ESRRB: variants seen among roughly 807,000 people sequenced by gnomAD.
ESRRB encodes the protein steroid hormone receptor ERR2.
In ESRRB, 16 loss-of-function variants were observed where a neutral mutation model predicts 46.0. That is an observed-to-expected ratio of 0.35 (90% confidence interval 0.24 to 0.53). The LOEUF (loss-of-function observed/expected upper bound fraction) is 0.53. Among genes scored for constraint, ESRRB ranks in the 20% least tolerant of loss-of-function variants. The pLI is 0.93. For synonymous variants in ESRRB, 246 were observed against 259.6 expected, an observed-to-expected ratio of 0.95 and a Z score of 0.50; for missense variants, 488 against 607.4, an observed-to-expected ratio of 0.80 and a Z score of 2.07.
chr14:76,444,714 C>T (rs932763372), intron 2 of ESRRB, among the ~76,000 whole-genome samples: 1 of 152,158 alleles, frequency 6.6e-6, no homozygotes, highest in Non-Finnish European at 1.5e-5. Flanking sequence ...CTGCTTAGTG[C>T]CCATGAGTCT....
At chr14:76,476,871 C>T (rs1430469778) in intron 3 of ESRRB, among the ~76,000 whole-genome samples, 1 of 152,240 alleles carries the variant, frequency 6.6e-6, no homozygotes, top group East Asian at 1.9e-4. Context: ...AAGAGCTGCA[C>T]TGAACATGGC....
chr14:76,378,725 C>T (rs890289114), intron 1 of ESRRB, among the ~76,000 whole-genome samples: 7 of 152,090 alleles, frequency 4.6e-5, no homozygotes, highest in Non-Finnish European at 7.4e-5. Context: ...ATTTCAAGGA[C>T]GAGCTTGTGG....
At position 76,313,274 on chromosome 14, in the gene ESRRB, A is replaced by G. The variant is rs371910731; in HGVS notation, c.2+2358A>G. 2.7e-4 allele frequency among the ~76,000 whole-genome samples: 41 copies of G among 151,840 alleles called. 1 individual carries two copies. The South Asian group carries it at 8.6e-3, about 32-fold the overall frequency. On this transcript the variant is annotated intron_variant, in intron 1 of 6. Transcript: ENST00000512784. ...CCTCTGATTACTTAGTTTCTGCTTC[A>G]ATAACTATTAATTTTATGTGGTTTG...
rs1829938189 is a variant in ESRRB, at chr14:76,482,479, C to T, written c.689-119C>T. The T allele has an allele frequency of 2.5e-5, 25 of 982,992 alleles. No individual in the cohort carries two copies. The highest frequency in any genetic ancestry group is 1.7e-4 in the East Asian group (7 of 40,368). 60.9% of individuals were successfully genotyped at this position (982,992 alleles called of 1,614,324 possible). On this transcript the variant is annotated intron_variant, in intron 4 of 6. Coordinates refer to ENST00000644823, the MANE Select transcript of ESRRB (RefSeq NM_001379180.1). This position sits in a 1 kb window ranked among gnomAD's most constrained non-coding sequence, Gnocchi z 4.3. ...CCAGAACAGGAGGGGAGATTATAGC[C>T]GCTTTGACCTTCCTGGAGCTCTTAG...
At chr14:76,345,893 A>C (rs1884244219) in intron 1 of ESRRB, among the ~76,000 whole-genome samples, 1 of 152,156 alleles carries the variant, frequency 6.6e-6, no homozygotes, top group South Asian at 2.1e-4. Context: ...TTGCTTTCCC[A>C]GGGCTGCTGT....
chr14:76,452,069 G>A (rs777818443), intron 2 of ESRRB, among the ~76,000 whole-genome samples: 126 of 151,716 alleles, frequency 8.3e-4, no homozygotes, highest in Non-Finnish European at 1.5e-3. Flanking sequence ...AGCCTCCCGA[G>A]TAGCTGGGAC....
chr14:76,469,064 G>A (rs1002791055), intron 3 of ESRRB, among the ~76,000 whole-genome samples: 5 of 151,894 alleles, frequency 3.3e-5, no homozygotes, highest in African/African-American at 4.8e-5. Flanking sequence ...GCTCTGAATC[G>A]CTCTCTTCTT....
chr14:76,425,242 C>A (rs1040660523), intron 1 of ESRRB, among the ~76,000 whole-genome samples: 1 of 152,204 alleles, frequency 6.6e-6, no homozygotes, highest in East Asian at 1.9e-4. Flanking sequence ...TAAACTGTAA[C>A]TGGAAGCTCA....
chr14:76,330,614 G>A (rs374111182), intron 1 of ESRRB, among the ~76,000 whole-genome samples: 3 of 152,334 alleles, frequency 2.0e-5, no homozygotes, highest in African/African-American at 7.2e-5. Flanking sequence ...AAGAATCGAG[G>A]AAGGGAGGAT....
chr14:76,498,844 C>G lies in ESRRB; in HGVS notation c.*386C>G. 1 of 548,808 alleles carries G rather than the reference C, an allele frequency of 1.8e-6. No individual in the cohort carries two copies. Among genetic ancestry groups the G allele is most frequent in the Non-Finnish European group, 3.7e-6 (1 of 270,834 alleles). The allele number at this position is 548,808 out of a possible 1,614,324, so 34.0% of individuals were successfully genotyped here. ...TTCCTAACTCCCTTGCCCCCTCCCC[C>G]ATCTGTGGCCTGGGTGGGCACTGCT... On this transcript the variant is annotated 3_prime_UTR_variant, in exon 7 of 7. Coordinates refer to ENST00000644823, the MANE Select transcript of ESRRB (RefSeq NM_001379180.1).
chr14:76,352,840 CT>C (rs1566858402), intron 1 of ESRRB, among the ~76,000 whole-genome samples: 1 of 152,246 alleles, frequency 6.6e-6, no homozygotes, highest in Admixed American at 6.5e-5. Flanking sequence ...GCTCTCTCCC[CT>C]CTTTCCCTCC....
chr14:76,358,187 C>T (rs1208463086), intron 1 of ESRRB, among the ~76,000 whole-genome samples: 1 of 151,470 alleles, frequency 6.6e-6, no homozygotes, highest in Non-Finnish European at 1.5e-5. Flanking sequence ...TGGCGGGCGC[C>T]TGTAATCCCA....
intron 1 of ESRRB, among the ~76,000 whole-genome samples, chr14:76,392,769 T>C (rs1195428321): frequency 6.6e-6 from 1 of 152,218 alleles, no homozygotes; most frequent in Non-Finnish European, 1.5e-5. Flanking sequence ...TCAGGACATC[T>C]GGAAGAGCCA....
At chr14:76,353,497 C>G (rs1218226208) in intron 1 of ESRRB, among the ~76,000 whole-genome samples, 1 of 152,196 alleles carries the variant, frequency 6.6e-6, no homozygotes, top group Admixed American at 6.5e-5. Flanking sequence ...CCCATCACTT[C>G]ATCATCATCA....
intron 1 of ESRRB, among the ~76,000 whole-genome samples, chr14:76,405,282 AT>A (rs961940656): frequency 7.4e-5 from 11 of 149,296 alleles, no homozygotes; most frequent in African/African-American, 1.5e-4. Flanking sequence ...CACCCGGCTA[AT>A]TTTTTTTTTG....
rs546881850 is a variant in ESRRB, at chr14:76,350,156, A to G, written c.2+39240A>G. 4.2e-4 allele frequency among the ~76,000 whole-genome samples: 64 copies of G among 152,184 alleles called. 1 individual carries two copies. The highest frequency in any genetic ancestry group is 4.2e-3 in the Admixed American group (64 of 15,296). On this transcript the variant is annotated intron_variant, in intron 1 of 6. Transcript: ENST00000512784. ...CCATGAAGGGCTCCTCTACACCTAC[A>G]TGGAGCAACTGCCCTGAATCTCTGC... is the stretch of plus-strand genomic sequence containing the variant.
intron 3 of ESRRB, among the ~76,000 whole-genome samples, chr14:76,467,042 GC>G (rs1889146839): frequency 6.6e-6 from 1 of 151,892 alleles, no homozygotes. Flanking sequence ...TATTACTCAC[GC>G]CCACCTGCTT....
At chr14:76,472,615 G>A (rs1195405909) in intron 3 of ESRRB, among the ~76,000 whole-genome samples, 2 of 152,228 alleles carry the variant, frequency 1.3e-5, no homozygotes, top group African/African-American at 2.4e-5. Context: ...CCAGAAACCC[G>A]CACAGGACAG....
chr14:76,491,335 G>A, intron 5 of ESRRB, 112 bp from the exon 6 acceptor site: 1 of 1,064,908 alleles, frequency 9.4e-7, no homozygotes, highest in Non-Finnish European at 1.4e-6. Flanking sequence ...GGGTGCCAGG[G>A]ACACCCCGCA....
Sources: allele counts gnomAD v4.1 joint callset (sites outside exome capture counted in the v4.1 genomes callset), GRCh38; gene constraint gnomAD v4.1.1; non-coding constraint Gnocchi (gnomAD v3.1); transcripts MANE v1.5; gene names NCBI Gene and HGNC (gene_info 2026-07-23, HGNC 2026-07-21).